Variants in ZNF423 observed in about 807,000 individuals in gnomAD.
ZNF423 encodes zinc finger protein 423, also known as Ebf-associated zinc finger protein.
In ZNF423, 12 loss-of-function variants were observed where a neutral mutation model predicts 95.8. That is an observed-to-expected ratio of 0.13 (90% confidence interval 0.08 to 0.20). The LOEUF is 0.20. Among genes scored for constraint, ZNF423 ranks in the 10% least tolerant of loss-of-function variants. ZNF423 has a pLI of 1.00. For missense variants in ZNF423, 1,316 were observed against 1,737.1 expected (o/e 0.76, Z 4.31); for synonymous variants, 749 against 711.9 (o/e 1.05, Z -0.83).
At chr16:49,543,923 T>C (rs1201839659) in intron 5 of ZNF423, among the ~76,000 whole-genome samples, 3 of 152,222 alleles carry the variant, frequency 2.0e-5, no homozygotes, top group Non-Finnish European at 4.4e-5. Context: ...AGATCTACCC[T>C]ACAGGGCTCT....
intron 5 of ZNF423, among the ~76,000 whole-genome samples, chr16:49,565,594 G>A (rs1016281308): frequency 1.3e-5 from 2 of 152,130 alleles, no homozygotes; most frequent in African/African-American, 2.4e-5. Flanking sequence ...CAGAACCAAC[G>A]AGGACCTGGC....
At chr16:49,522,236 G>C (rs972089659) in intron 7 of ZNF423, among the ~76,000 whole-genome samples, 6 of 152,186 alleles carry the variant, frequency 3.9e-5, no homozygotes, top group African/African-American at 1.4e-4. Flanking sequence ...GCAGAGGGTG[G>C]AATTCCCTGC....
intron 1 of ZNF423, among the ~76,000 whole-genome samples, chr16:49,797,108 A>G (rs2034510818): frequency 6.6e-6 from 1 of 152,036 alleles, no homozygotes; most frequent in Admixed American, 6.5e-5. Flanking sequence ...AAACCCTCTC[A>G]CACACTGCAG....
At chr16:49,591,777 A>G (rs1249986132) in intron 5 of ZNF423, among the ~76,000 whole-genome samples, 1 of 152,130 alleles carries the variant, frequency 6.6e-6, no homozygotes, top group Non-Finnish European at 1.5e-5. Context: ...AGACATTAAA[A>G]CTCTGCTGGA....
At chr16:49,814,481 C>A (rs2034805870) in intron 1 of ZNF423, among the ~76,000 whole-genome samples, 1 of 150,614 alleles carries the variant, frequency 6.6e-6, no homozygotes, top group South Asian at 2.1e-4. Context: ...ATAAACTGCA[C>A]CTGCCTTTTC....
At chr16:49,556,237 C>T (rs1048957794) in intron 5 of ZNF423, among the ~76,000 whole-genome samples, 1 of 152,224 alleles carries the variant, frequency 6.6e-6, no homozygotes, top group Non-Finnish European at 1.5e-5. Context: ...TACCTGCTCT[C>T]ATGCTGAAGA....
intron 5 of ZNF423, among the ~76,000 whole-genome samples, chr16:49,531,046 C>T (rs945499808): frequency 2.6e-5 from 4 of 152,202 alleles, no homozygotes; most frequent in East Asian, 1.9e-4. Flanking sequence ...CCAGCACAAG[C>T]GCCGGTTGGC....
intron 5 of ZNF423, among the ~76,000 whole-genome samples, chr16:49,555,003 A>G (rs2151759145): frequency 6.6e-6 from 1 of 152,234 alleles, no homozygotes; most frequent in Non-Finnish European, 1.5e-5. Context: ...CTTGGTCAAG[A>G]TGGAAACTGG....
intron 1 of ZNF423, among the ~76,000 whole-genome samples, chr16:49,813,676 A>C (rs1310939310): frequency 6.6e-6 from 1 of 152,180 alleles, no homozygotes. Flanking sequence ...GTGCATTCAC[A>C]CTGTTGGCTC....
intron 7 of ZNF423, 146 bp from the exon 8 acceptor site, chr16:49,491,450 G>C (rs1382053698): frequency 1.6e-5 from 16 of 995,494 alleles, no homozygotes; most frequent in Non-Finnish European, 2.3e-5. Context: ...AAGTGCTCCA[G>C]GGACGCAGCT....
intron 5 of ZNF423, among the ~76,000 whole-genome samples, chr16:49,616,635 TAAAA>T (rs1180417933): frequency 6.6e-6 from 1 of 152,022 alleles, no homozygotes; most frequent in Non-Finnish European, 1.5e-5. Flanking sequence ...AATTAAAAAT[TAAAA>T]AAAGAAAACT....
chr16:49,716,122 G>A (rs763291009), intron 3 of ZNF423, among the ~76,000 whole-genome samples: 10 of 152,068 alleles, frequency 6.6e-5, no homozygotes, highest in Non-Finnish European at 1.0e-4. Flanking sequence ...ACAGCGGAGG[G>A]CAGTTGAGGA....
At chr16:49,841,889 G>T (rs570027863) in intron 1 of ZNF423, among the ~76,000 whole-genome samples, 1 of 152,308 alleles carries the variant, frequency 6.6e-6, no homozygotes, top group South Asian at 2.1e-4. Flanking sequence ...GACTCACCAA[G>T]GGAAAGAAAT....
chr16:49,664,580 C>T (rs975768135), intron 3 of ZNF423, among the ~76,000 whole-genome samples: 3 of 151,800 alleles, frequency 2.0e-5, no homozygotes, highest in African/African-American at 7.3e-5. Flanking sequence ...AAAGGGAGGA[C>T]CACAGAAAGG....
intron 7 of ZNF423, among the ~76,000 whole-genome samples, chr16:49,506,753 G>A (rs1041229687): frequency 1.3e-5 from 2 of 151,914 alleles, no homozygotes; most frequent in Admixed American, 6.6e-5. Context: ...GTAGGTGGAC[G>A]AATGGGTAGG....
Position 49,836,335 on chromosome 16 carries a change from G to C in ZNF423, c.40+19400C>G, listed in dbSNP as rs77278641. Among the ~76,000 whole-genome samples, 13 of 152,072 alleles carry C rather than the reference G, an allele frequency of 8.5e-5. No homozygotes were observed. In the East Asian group the frequency reaches 2.3e-3, roughly 27 times the overall value. On this transcript the variant is annotated intron_variant, in intron 1 of 7. Coordinates refer to ENST00000563137, the MANE Select transcript of ZNF423 (RefSeq NM_001379286.1). ...CCTGTCCAAGCTGCTTCTCTCCCAAGTGAGCCTCAGGAGCAGGCCCAGTGG... is the reference window on the plus strand; with the variant it reads ...CCTGTCCAAGCTGCTTCTCTCCCAACTGAGCCTCAGGAGCAGGCCCAGTGG...
rs1567521014 is a variant in ZNF423 at position 49,637,211 on chromosome 16, G to C, written c.1965C>G (p.Phe655Leu). ...CDLKFSNFES[F>L]QTHLKLHLEL... ...CCAGGTGCAGCTTCAGGTGGGTCTG[G>C]AAGCTCTCAAAGTTGGAGAACTTGA... The change falls in exon 4 of 8, where the codon TTC (phenylalanine) becomes TTG (leucine). Residue 655 changes from phenylalanine (F) to leucine (L), a missense_variant. Coordinates refer to ENST00000563137, the MANE Select transcript of ZNF423 (RefSeq NM_001379286.1). This position sits in a 1 kb window ranked among gnomAD's most constrained non-coding sequence, Gnocchi z 5.6. 1.9e-6 allele frequency: 3 copies of C among 1,614,060 alleles called. No individual in the cohort carries two copies. Among genetic ancestry groups the C allele is most frequent in the Non-Finnish European group, 2.5e-6 (3 of 1,180,040 alleles).
At chr16:49,499,001 C>T (rs934254361) in intron 7 of ZNF423, among the ~76,000 whole-genome samples, 1 of 152,220 alleles carries the variant, frequency 6.6e-6, no homozygotes, top group Non-Finnish European at 1.5e-5. Context: ...AAGGTTCCCT[C>T]TAAATGCCTG....
intron 2 of ZNF423, among the ~76,000 whole-genome samples, chr16:49,782,961 T>TAAA (rs767807245): frequency 7.7e-5 from 9 of 117,032 alleles, no homozygotes; most frequent in Non-Finnish European, 1.8e-5. Context: ...CTGTCTCAAT[T>TAAA]AAAAAAAAAA....
Sources: gnomAD v4.1 joint callset for allele counts (sites outside exome capture counted in the v4.1 genomes callset) on GRCh38, gnomAD v4.1.1 for gene constraint, Gnocchi (gnomAD v3.1) non-coding constraint, MANE v1.5 for transcripts, NCBI Gene and HGNC (gene_info 2026-07-23, HGNC 2026-07-21) for gene names.